Variants in CRADD observed in about 807,000 individuals in gnomAD.
CRADD encodes CARD and death domain containing adaptor protein, also known as death domain-containing protein CRADD.
A neutral mutation model predicts 15.5 loss-of-function variants in CRADD; 9 were observed. The ratio of observed to expected loss-of-function variants is 0.58; its 90% CI spans 0.35 to 1.01. The LOEUF (loss-of-function observed/expected upper bound fraction) is 1.01. Ranked by LOEUF, CRADD falls within the 50% of genes least tolerant of loss-of-function variation. CRADD has a pLI of 0.02. For missense variants in CRADD, 227 were observed against 250.3 expected (o/e 0.91, Z 0.63); for synonymous variants, 118 against 107.6 (o/e 1.10, Z -0.60).
chr12:93,837,284 T>G (rs1957984768), intron 2 of CRADD: 1 of 151,624 alleles, frequency 6.6e-6, no homozygotes, highest in Non-Finnish European at 1.5e-5. Context: ...TTTGTTTTTT[T>G]TTTTAGAGGG....
chr12:93,684,123 C>A (rs538268536), intron 2 of CRADD, among the ~76,000 whole-genome samples: 1 of 152,152 alleles, frequency 6.6e-6, no homozygotes, highest in African/African-American at 2.4e-5. Context: ...TATATAAAGA[C>A]AAATGGAGGA....
At chr12:93,875,400 A>G (rs1958451076) in intron 2 of CRADD, among the ~76,000 whole-genome samples, 1 of 151,932 alleles carries the variant, frequency 6.6e-6, no homozygotes, top group Admixed American at 6.6e-5. Context: ...TTTACATTCA[A>G]TGTTATTATT....
chr12:93,877,369 G>A (rs899365383), intron 2 of CRADD, among the ~76,000 whole-genome samples: 12 of 152,200 alleles, frequency 7.9e-5, no homozygotes, highest in Admixed American at 1.3e-4. Flanking sequence ...AGGGCTCTTC[G>A]ATCACTTGAT....
intron 2 of CRADD, among the ~76,000 whole-genome samples, chr12:93,683,521 A>G (rs1207779243): frequency 6.6e-6 from 1 of 152,094 alleles, no homozygotes; most frequent in Admixed American, 6.5e-5. Context: ...ACTTGCTTCA[A>G]CCTTCTCTGG....
At chr12:93,764,477 T>A (rs1407036155) in intron 2 of CRADD, among the ~76,000 whole-genome samples, 1 of 152,156 alleles carries the variant, frequency 6.6e-6, no homozygotes, top group African/African-American at 2.4e-5. Context: ...TGACAAAGGG[T>A]ATACAGAGGA....
intron 2 of CRADD, among the ~76,000 whole-genome samples, chr12:93,700,526 G>A (rs1192069567): frequency 1.3e-5 from 2 of 152,030 alleles, no homozygotes; most frequent in Non-Finnish European, 2.9e-5. Context: ...TGCCTCCTGG[G>A]TTCACGCCAT....
At chr12:93,791,609 C>T (rs1957350254) in intron 2 of CRADD, among the ~76,000 whole-genome samples, 1 of 152,062 alleles carries the variant, frequency 6.6e-6, no homozygotes, top group Non-Finnish European at 1.5e-5. Context: ...TATTGTACAG[C>T]ATGGCAACTG....
intron 2 of CRADD, among the ~76,000 whole-genome samples, chr12:93,711,391 GGCAA>G: frequency 6.6e-6 from 1 of 151,986 alleles, no homozygotes; most frequent in South Asian, 2.1e-4. Context: ...TTCCCACATA[GGCAA>G]GCAGAGGGAT....
In CRADD at chr12:93,859,731, CT is replaced by C. The variant is rs397850383; in HGVS notation, c.299-34310del. ...GGGTGGGAGATTTCTTTGTCTCTCTCTTTTTTTTTAAGAGACAGGGTCTCAC... is the reference window on the plus strand; with the variant it reads ...GGGTGGGAGATTTCTTTGTCTCTCTCTTTTTTTTAAGAGACAGGGTCTCAC... On this transcript the variant is annotated intron_variant, in intron 2 of 2. Transcript: ENST00000548483. 7.1e-3 allele frequency among the ~76,000 whole-genome samples: 1,072 copies of C among 150,398 alleles called. 18 individuals carry two copies. Among genetic ancestry groups the C allele is most frequent in the African/African-American group, 0.025 (1,012 of 40,954 alleles).
chr12:93,853,593 C>T (rs1436513852), downstream of CRADD, among the ~76,000 whole-genome samples: 1 of 152,184 alleles, frequency 6.6e-6, no homozygotes, highest in African/African-American at 2.4e-5. Context: ...TTTACGGCTC[C>T]CCTCTATGCA....
intron 2 of CRADD, among the ~76,000 whole-genome samples, chr12:93,719,464 T>C (rs1956220530): frequency 6.6e-6 from 1 of 152,230 alleles, no homozygotes; most frequent in Non-Finnish European, 1.5e-5. Context: ...CTTCATAGAA[T>C]GAGTTAGGAA....
intron 2 of CRADD, among the ~76,000 whole-genome samples, chr12:93,841,758 T>C (rs906530494): frequency 1.3e-5 from 2 of 152,200 alleles, no homozygotes. Flanking sequence ...AGGACTTAAA[T>C]GTCCTCACAG....
At chr12:93,754,023 C>G (rs1418024603) in intron 2 of CRADD, among the ~76,000 whole-genome samples, 1 of 152,250 alleles carries the variant, frequency 6.6e-6, no homozygotes, top group Non-Finnish European at 1.5e-5. Flanking sequence ...TGCAGCATAC[C>G]TCTGCCTGGA....
At chr12:93,681,967 T>G (rs1955318332) in intron 2 of CRADD, among the ~76,000 whole-genome samples, 1 of 152,194 alleles carries the variant, frequency 6.6e-6, no homozygotes, top group Admixed American at 6.5e-5. Context: ...AATTATGCAT[T>G]TAAACTTGAT....
intron 2 of CRADD, among the ~76,000 whole-genome samples, chr12:93,709,798 C>T (rs531885827): frequency 1.7e-4 from 26 of 152,128 alleles, no homozygotes; most frequent in African/African-American, 2.9e-4. Context: ...ATTGCTGGGT[C>T]GAATGGTAGT....
chr12:93,879,961 C>T (rs1366719221), intron 2 of CRADD, among the ~76,000 whole-genome samples: 1 of 152,164 alleles, frequency 6.6e-6, no homozygotes, highest in African/African-American at 2.4e-5. Flanking sequence ...ATATCAAACA[C>T]CTACTCTATG....
intron 2 of CRADD, among the ~76,000 whole-genome samples, chr12:93,748,291 T>G (rs1956787372): frequency 6.6e-6 from 1 of 152,078 alleles, no homozygotes; most frequent in African/African-American, 2.4e-5. Flanking sequence ...GAAACAGGCT[T>G]CTTCTTTTTT....
At chr12:93,826,011 A>G (rs773656232) in intron 2 of CRADD, among the ~76,000 whole-genome samples, 1 of 152,220 alleles carries the variant, frequency 6.6e-6, no homozygotes, top group East Asian at 1.9e-4. Context: ...TATAAAGTAC[A>G]TGAATGGCAG....
chr12:93,831,973 T>G lies in CRADD; in HGVS notation c.299-17997T>G, dbSNP rs569807651. On this transcript the variant is annotated intron_variant, in intron 2 of 2. Transcript: ENST00000332896. ...TTTGGGTTTTTTGCTAGGGTGATAG[T>G]GTATTTGCAGTCAGTGAAAACATCT... is the stretch of plus-strand genomic sequence containing the variant. Among the ~76,000 whole-genome samples the G allele has an allele frequency of 8.9e-4, 136 of 152,370 alleles. 1 individual carries two copies. The highest frequency in any genetic ancestry group is 3.4e-3 in the Middle Eastern group (1 of 294).
Sources: gnomAD v4.1 joint callset for allele counts (sites outside exome capture counted in the v4.1 genomes callset) on GRCh38, gnomAD v4.1.1 for gene constraint, MANE v1.5 for transcripts, NCBI Gene and HGNC (gene_info 2026-07-23, HGNC 2026-07-21) for gene names.